Variants in GNG4 observed in about 807,000 individuals in gnomAD.
GNG4 encodes guanine nucleotide-binding protein G(I)/G(S)/G(O) subunit gamma-4.
GNG4 carries 4 observed loss-of-function variants against 5.8 expected under a neutral mutation model. The observed-to-expected ratio is 0.69, with a 90% CI of 0.34 to 1.57. The LOEUF is 1.57. GNG4 is among the 40% of genes most tolerant of loss of function. The pLI, the probability that GNG4 is intolerant of heterozygous loss-of-function variation, is 0.06. For missense variants in GNG4, 96 were observed against 95.1 expected (o/e 1.01, Z -0.04); for synonymous variants, 29 against 32.9 (o/e 0.88, Z 0.41).
chr1:235,587,218 TG>T (rs1405654193), intron 2 of GNG4, among the ~76,000 whole-genome samples: 3 of 88,994 alleles, frequency 3.4e-5, no homozygotes, highest in African/African-American at 2.0e-4. Flanking sequence ...TGTGAGGGTG[TG>T]GGTGAGTGTG....
At chr1:235,578,974 G>A (rs2102936936) in intron 3 of GNG4, among the ~76,000 whole-genome samples, 1 of 151,968 alleles carries the variant, frequency 6.6e-6, no homozygotes. Context: ...GTGCACACTT[G>A]TAATCCCAGC....
chr1:235,645,139 G>A (rs1355801960), intron 1 of GNG4, among the ~76,000 whole-genome samples: 2 of 152,176 alleles, frequency 1.3e-5, no homozygotes, highest in Non-Finnish European at 2.9e-5. Context: ...GACCCTCTGG[G>A]AAGACAGAGT....
chr1:235,585,820 A>G (rs1179251441), intron 2 of GNG4, among the ~76,000 whole-genome samples: 2 of 152,342 alleles, frequency 1.3e-5, no homozygotes, highest in East Asian at 1.9e-4. Flanking sequence ...ATAAGGTAAC[A>G]TTCTGATAAT....
At chr1:235,578,311 G>A (rs941019304) in intron 3 of GNG4, among the ~76,000 whole-genome samples, 2 of 152,188 alleles carry the variant, frequency 1.3e-5, no homozygotes, top group Non-Finnish European at 2.9e-5. Flanking sequence ...AAAGGGAACC[G>A]TGGTATGCCA....
intron 3 of GNG4, among the ~76,000 whole-genome samples, chr1:235,573,154 A>T (rs1447124650): frequency 6.6e-6 from 1 of 152,024 alleles, no homozygotes; most frequent in Non-Finnish European, 1.5e-5. Flanking sequence ...GCCATAAAAA[A>T]GGATGAGTTC....
chr1:235,570,004 C>T (rs144160376), intron 3 of GNG4, among the ~76,000 whole-genome samples: 5 of 152,232 alleles, frequency 3.3e-5, no homozygotes, highest in South Asian at 2.1e-4. Context: ...GTGTCTGTGT[C>T]GATCATTTCT....
At chr1:235,555,603 C>CG (rs1169779206) in intron 3 of GNG4, among the ~76,000 whole-genome samples, 1 of 149,878 alleles carries the variant, frequency 6.7e-6, no homozygotes, top group African/African-American at 2.5e-5. Flanking sequence ...CGCTTGAGTC[C>CG]GGGAGTTCAA....
intron 1 of GNG4, among the ~76,000 whole-genome samples, chr1:235,609,069 G>A (rs6702200): frequency 0.2 from 30,983 of 151,998 alleles, 3,457 homozygotes; most frequent in Middle Eastern, 0.29. Context: ...CTGGCTCCAA[G>A]CGATCTTCTT....
intron 1 of GNG4, among the ~76,000 whole-genome samples, chr1:235,596,209 T>TACACAC (rs59527448): frequency 0.036 from 4,776 of 133,498 alleles, 138 homozygotes; most frequent in East Asian, 0.11. Flanking sequence ...ACAAACAAAA[T>TACACAC]ACACACACAC....
intron 1 of GNG4, among the ~76,000 whole-genome samples, chr1:235,639,201 CT>C (rs1657235726): frequency 6.6e-6 from 1 of 152,188 alleles, no homozygotes; most frequent in African/African-American, 2.4e-5. Context: ...ATCTTTTTTG[CT>C]GTGTAAGATT....
At chr1:235,597,684 G>T (rs1289757138) in intron 1 of GNG4, among the ~76,000 whole-genome samples, 2 of 144,398 alleles carry the variant, frequency 1.4e-5, no homozygotes, top group Non-Finnish European at 3.0e-5. Context: ...GGAGTGCAAT[G>T]GTGCGATCTC....
chr1:235,592,711 G>A (rs571129515), intron 2 of GNG4, among the ~76,000 whole-genome samples: 3 of 152,214 alleles, frequency 2.0e-5, no homozygotes, highest in South Asian at 2.1e-4. Flanking sequence ...CAAAACCACT[G>A]TGCAACCGCC....
intron 1 of GNG4, among the ~76,000 whole-genome samples, chr1:235,625,312 G>A (rs1231855968): frequency 6.6e-6 from 1 of 152,152 alleles, no homozygotes; most frequent in Non-Finnish European, 1.5e-5. Context: ...CATAGCAAAG[G>A]TGAGCACAAA....
intron 1 of GNG4, among the ~76,000 whole-genome samples, chr1:235,608,560 AGTCTGCTTTCT>A (rs1299348134): frequency 6.6e-6 from 1 of 152,180 alleles, no homozygotes; most frequent in Non-Finnish European, 1.5e-5. Flanking sequence ...GGCAACCAAC[AGTCTGCTTTCT>A]GTCTCTACAG....
intron 1 of GNG4, among the ~76,000 whole-genome samples, chr1:235,637,999 C>T (rs928499796): frequency 6.6e-6 from 1 of 152,242 alleles, no homozygotes; most frequent in African/African-American, 2.4e-5. Flanking sequence ...CTTCCCTCTA[C>T]TTGACCAAGA....
At chr1:235,566,091 C>T (rs993084475) in intron 3 of GNG4, 14 of 152,246 alleles carry the variant, frequency 9.2e-5, no homozygotes, top group African/African-American at 3.4e-4. Flanking sequence ...TGGCAGAGAG[C>T]ATTTGAATCC....
At chr1:235,594,169 T>TCC (rs2102955092) in intron 2 of GNG4, among the ~76,000 whole-genome samples, 1 of 152,092 alleles carries the variant, frequency 6.6e-6, no homozygotes, top group Non-Finnish European at 1.5e-5. Context: ...GTTCTCCAAG[T>TCC]CCCCACCAGC....
intron 2 of GNG4, among the ~76,000 whole-genome samples, chr1:235,591,374 CA>C (rs569380672): frequency 1.3e-5 from 2 of 152,004 alleles, no homozygotes; most frequent in East Asian, 1.9e-4. Context: ...CTGAGGTGGG[CA>C]AAAAAAGCAG....
chr1:235,590,446 C>A (rs929750468), intron 2 of GNG4, among the ~76,000 whole-genome samples: 1 of 151,416 alleles, frequency 6.6e-6, no homozygotes, highest in Non-Finnish European at 1.5e-5. Context: ...CAGAGTGAGA[C>A]TGTCTGGAAA....
Sources: allele counts gnomAD v4.1 joint callset (sites outside exome capture counted in the v4.1 genomes callset), GRCh38; gene constraint gnomAD v4.1.1; transcripts MANE v1.5; gene names NCBI Gene and HGNC (gene_info 2026-07-23, HGNC 2026-07-21).